Variants in SYNE1 observed in about 807,000 individuals in gnomAD.
SYNE1 encodes spectrin repeat containing nuclear envelope protein 1.
In SYNE1, 616 loss-of-function variants were observed where a neutral mutation model predicts 1,111.0. That is an observed-to-expected ratio of 0.55 (90% CI 0.52 to 0.59). SYNE1 has a LOEUF of 0.59. Among genes scored for constraint, SYNE1 ranks in the 20% least tolerant of loss-of-function variants. SYNE1 has a pLI of 0.00. For synonymous variants in SYNE1, 3,855 were observed against 3,825.8 expected (o/e 1.01, Z -0.28); for missense variants, 10,006 against 10,417.0 (o/e 0.96, Z 1.72).
At chr6:152,282,522 T>A (rs1394243049) in intron 96 of SYNE1, among the ~76,000 whole-genome samples, 1 of 152,006 alleles carries the variant, frequency 6.6e-6, no homozygotes, top group African/African-American at 2.4e-5. Flanking sequence ...GCTCTCTGAG[T>A]TTTTCAATGA....
rs143416387 is a variant in SYNE1, at chr6:152,323,501, G to A, written c.15894C>T (p.Thr5298=). The A allele has an allele frequency of 1.1e-4, 173 of 1,614,040 alleles. 1 individual carries two copies. The South Asian group carries it at 1.5e-3, about 14-fold the overall frequency. ...ACTTCAGGCACCGATCTTGCATGGC[G>A]GTGATTTCCTGCATGAGCGGAGGCT... is the stretch of plus-strand genomic sequence containing the variant. The part of the protein sequence containing the change: ...GEEPPLMQEI[T]AMQDRCLNMQ... Residue 5298 remains threonine (T), a synonymous_variant, in exon 82 of 146, where the codon ACC becomes ACT. Transcript: ENST00000367255.
chr6:152,375,081 C>T (rs951747508), intron 58 of SYNE1, among the ~76,000 whole-genome samples: 19 of 151,984 alleles, frequency 1.3e-4, no homozygotes, highest in East Asian at 3.9e-4. Flanking sequence ...GATAGGATTA[C>T]GGGCGCCTGC....
intron 64 of SYNE1, among the ~76,000 whole-genome samples, 182 bp from the exon 65 acceptor site, chr6:152,359,640 G>C (rs970011080): frequency 6.6e-6 from 1 of 151,946 alleles, no homozygotes; most frequent in African/African-American, 2.4e-5. Context: ...GTGTGTGTGT[G>C]TGTGTGTGTG....
At chr6:152,627,761 C>A (rs1362986285) in intron 3 of SYNE1, among the ~76,000 whole-genome samples, 1 of 152,162 alleles carries the variant, frequency 6.6e-6, no homozygotes, top group Admixed American at 6.5e-5. Context: ...AACAATTCAT[C>A]TTATCACATC....
chr6:152,439,430 A>C (rs1446513407), intron 32 of SYNE1, among the ~76,000 whole-genome samples: 1 of 152,172 alleles, frequency 6.6e-6, no homozygotes, highest in Non-Finnish European at 1.5e-5. Context: ...GGGTATTGCT[A>C]TATTGACCAG....
At chr6:152,406,413 A>T (rs927080215) in intron 45 of SYNE1, among the ~76,000 whole-genome samples, 3 of 152,156 alleles carry the variant, frequency 2.0e-5, no homozygotes, top group Non-Finnish European at 4.4e-5. Flanking sequence ...TCCCCCGAAG[A>T]ATGGGAACAA....
At chr6:152,517,863 G>A (rs1343624542) in intron 6 of SYNE1, among the ~76,000 whole-genome samples, 1 of 152,126 alleles carries the variant, frequency 6.6e-6, no homozygotes, top group Non-Finnish European at 1.5e-5. Flanking sequence ...TGCAGTTAGA[G>A]GCAGGGAATG....
At chr6:152,600,087 C>T (rs1189376752) in intron 3 of SYNE1, among the ~76,000 whole-genome samples, 2 of 152,172 alleles carry the variant, frequency 1.3e-5, no homozygotes, top group African/African-American at 4.8e-5. Flanking sequence ...TCAGGACTGA[C>T]GACTCCATTA....
chr6:152,597,844 AG>A (rs2099586142), intron 3 of SYNE1, among the ~76,000 whole-genome samples: 1 of 152,176 alleles, frequency 6.6e-6, no homozygotes, highest in South Asian at 2.1e-4. Context: ...CTTTCGCTAT[AG>A]CAACTATGGT....
intron 56 of SYNE1, among the ~76,000 whole-genome samples, chr6:152,379,139 A>T (rs1378400806): frequency 2.0e-5 from 3 of 152,234 alleles, no homozygotes; most frequent in Non-Finnish European, 4.4e-5. Flanking sequence ...ATGGGATGAC[A>T]TTAAAAGTGA....
At position 152,358,438 on chromosome 6, in the gene SYNE1, G is replaced by A. The variant is rs1447737732; in HGVS notation, c.10543C>T (p.Leu3515Phe). The change falls in exon 66 of 146, where the codon CTC becomes TTC. Residue 3515 changes from leucine (L) to phenylalanine (F), a missense_variant. Coordinates refer to ENST00000367255, the MANE Select transcript of SYNE1 (RefSeq NM_182961.4). ...CCTTCAAGAACTGAATACTGGTCGA[G>A]CTTTTCTTGTTCTTGCCCCAACCAA... ...EVWLGQEQEKLDQYSVLEGDA... is the reference protein window; with the variant it reads ...EVWLGQEQEKFDQYSVLEGDA... 2.5e-6 allele frequency: 4 copies of A among 1,614,146 alleles called. No homozygotes were observed. Among genetic ancestry groups the A allele is most frequent in the Admixed American group, 3.3e-5 (2 of 60,010 alleles).
intron 58 of SYNE1, 118 bp from the exon 59 acceptor site, chr6:152,373,337 TA>T: frequency 1.1e-6 from 1 of 925,122 alleles, no homozygotes; most frequent in Non-Finnish European, 1.6e-6. Context: ...TGGAGTGCAG[TA>T]GTGCGATCTC....
At chr6:152,562,342 A>T (rs570569364) in intron 3 of SYNE1, among the ~76,000 whole-genome samples, 5 of 152,334 alleles carry the variant, frequency 3.3e-5, no homozygotes, top group Admixed American at 6.5e-5. Context: ...TCAAACAACC[A>T]TGAGACATCA....
intron 3 of SYNE1, among the ~76,000 whole-genome samples, chr6:152,623,183 A>C (rs1297640159): frequency 6.6e-6 from 1 of 152,288 alleles, no homozygotes; most frequent in East Asian, 1.9e-4. Flanking sequence ...CAGAGAACCC[A>C]GAAATAAGAC....
At chr6:152,349,095 G>T (rs1390276561) in intron 72 of SYNE1, among the ~76,000 whole-genome samples, 2 of 152,170 alleles carry the variant, frequency 1.3e-5, no homozygotes, top group Non-Finnish European at 2.9e-5. Flanking sequence ...AGCCCAGAGG[G>T]GCTAACTGGC....
chr6:152,255,225 C>G, intron 103 of SYNE1, 136 bp from the exon 104 acceptor site: 1 of 781,478 alleles, frequency 1.3e-6, no homozygotes, highest in Non-Finnish European at 2.1e-6. Flanking sequence ...ACTGGAACCT[C>G]TTTCAAATAC....
chr6:152,498,841 C>G, intron 10 of SYNE1, 49 bp from the exon 11 acceptor site: 1 of 1,098,112 alleles, frequency 9.1e-7, no homozygotes, highest in Non-Finnish European at 1.3e-6. Context: ...AAATCAGGGT[C>G]AAAAATTATT....
At position 152,155,031 on chromosome 6, in the gene SYNE1, G is replaced by A. The variant is rs757366114; in HGVS notation, c.23990C>T (p.Thr7997Met). ...CAGAAATTTCTGCCACAATCGCCACGTCTCTTCGATTCTGGGGCGGAAAAT... is the reference window on the plus strand; with the variant it reads ...CAGAAATTTCTGCCACAATCGCCACATCTCTTCGATTCTGGGGCGGAAAAT... ...SMERRLKIEE[T>M]WRLWQKFLDD... Residue 7997 changes from threonine (T) to methionine (M), a missense_variant, in exon 133 of 146, where the codon ACG becomes ATG. By Grantham distance (81) the Thr-to-Met change is moderately conservative (BLOSUM62 -1). Transcript: ENST00000367255. 3 of 1,614,038 alleles carry A rather than the reference G, an allele frequency of 1.9e-6. No individual in the cohort carries two copies. The highest frequency in any genetic ancestry group is 2.5e-6 in the Non-Finnish European group (3 of 1,179,988).
intron 92 of SYNE1, among the ~76,000 whole-genome samples, chr6:152,301,528 C>T (rs73007785): frequency 0.05 from 7,568 of 152,272 alleles, 207 homozygotes; most frequent in East Asian, 0.073. Context: ...ATGAATTTCC[C>T]ATCCCCCAGA....
Sources: gnomAD v4.1 joint callset for allele counts (sites outside exome capture counted in the v4.1 genomes callset) on GRCh38, gnomAD v4.1.1 for gene constraint, MANE v1.5 for transcripts, NCBI Gene and HGNC (gene_info 2026-07-23, HGNC 2026-07-21) for gene names.